CMTM8: variants seen among roughly 807,000 people sequenced by gnomAD.
CMTM8 encodes CKLF like MARVEL transmembrane domain containing 8, also known as CKLF-like MARVEL transmembrane domain-containing protein 8.
In CMTM8, 12 loss-of-function variants were observed where a neutral mutation model predicts 18.6. That is an observed-to-expected ratio of 0.65 (90% confidence interval 0.41 to 1.05). CMTM8 has a LOEUF of 1.05. Ranked by LOEUF, CMTM8 falls within the 50% of genes least tolerant of loss-of-function variation. The pLI, the probability that CMTM8 is intolerant of heterozygous loss-of-function variation, is 0.00. For missense variants in CMTM8, 217 were observed against 227.2 expected (o/e 0.95, Z 0.29); for synonymous variants, 87 against 90.6 (o/e 0.96, Z 0.23).
In CMTM8 at chr3:32,361,389, C is replaced by G. The variant is rs558063468; in HGVS notation, c.321+3843C>G. 2.7e-5 allele frequency among the ~76,000 whole-genome samples: 4 copies of G among 149,198 alleles called. No individual in the cohort carries two copies. The South Asian group carries it at 8.5e-4, about 32-fold the overall frequency. On this transcript the variant is annotated intron_variant, in intron 2 of 3. Coordinates refer to ENST00000307526, the MANE Select transcript of CMTM8 (RefSeq NM_178868.5). ...AGTCTGGGGCTGTACTGTAATGAGA[C>G]AAATTAATGTTTCTGCAACAACACG...
At chr3:32,270,139 C>T (rs146678268) in intron 1 of CMTM8, among the ~76,000 whole-genome samples, 26 of 152,254 alleles carry the variant, frequency 1.7e-4, no homozygotes, top group African/African-American at 5.5e-4. Flanking sequence ...CCAGGCTGGT[C>T]TCAAACTCTG....
intron 1 of CMTM8, among the ~76,000 whole-genome samples, chr3:32,284,095 T>A (rs1302788552): frequency 6.6e-6 from 1 of 151,980 alleles, no homozygotes; most frequent in Admixed American, 6.6e-5. Flanking sequence ...CTACTAAAAG[T>A]ACAAAAAATC....
At chr3:32,274,594 A>G (rs1051829532) in intron 1 of CMTM8, among the ~76,000 whole-genome samples, 2 of 152,182 alleles carry the variant, frequency 1.3e-5, no homozygotes, top group African/African-American at 4.8e-5. Flanking sequence ...TACCCTAGCT[A>G]TTCCAGCATG....
intron 1 of CMTM8, among the ~76,000 whole-genome samples, chr3:32,319,074 A>ATATATATATATATATTTT: frequency 1.1e-3 from 36 of 31,516 alleles, no homozygotes; most frequent in African/African-American, 3.1e-3. Flanking sequence ...ATATATATAT[A>ATATATATATATATATTTT]TTTTTTTTTT....
chr3:32,339,774 T>C (rs1696457494), intron 1 of CMTM8, among the ~76,000 whole-genome samples: 1 of 152,176 alleles, frequency 6.6e-6, no homozygotes, highest in Middle Eastern at 3.4e-3. Flanking sequence ...CCATCCTGGC[T>C]AACACAGAGA....
chr3:32,276,248 A>G (rs960782847), intron 1 of CMTM8, among the ~76,000 whole-genome samples: 2 of 151,994 alleles, frequency 1.3e-5, no homozygotes, highest in African/African-American at 4.8e-5. Flanking sequence ...TCCAGCTCCT[A>G]CCTCCAAACT....
intron 1 of CMTM8, among the ~76,000 whole-genome samples, chr3:32,302,713 G>A (rs1695643840): frequency 6.6e-6 from 1 of 152,184 alleles, no homozygotes. Context: ...CCTATTTGAG[G>A]AGGTGAGGGA....
At chr3:32,326,979 C>T (rs939577026) in intron 1 of CMTM8, among the ~76,000 whole-genome samples, 1 of 152,136 alleles carries the variant, frequency 6.6e-6, no homozygotes, top group Admixed American at 6.5e-5. Flanking sequence ...TATTTATCTC[C>T]CTGGCCACAC....
intron 1 of CMTM8, among the ~76,000 whole-genome samples, chr3:32,295,251 T>G (rs1702852479): frequency 6.6e-6 from 1 of 150,974 alleles, no homozygotes; most frequent in Non-Finnish European, 1.5e-5. Context: ...AGGTCAGGAG[T>G]TCGAGAACAG....
In CMTM8 at chr3:32,238,918, A is replaced by G. The variant is rs1439899184; in HGVS notation, c.-55A>G. 2.0e-6 allele frequency: 3 copies of G among 1,492,034 alleles called. No homozygotes were observed. In the East Asian group the frequency reaches 8.2e-5, roughly 41 times the overall value. 92.4% of individuals were successfully genotyped at this position (1,492,034 alleles called of 1,614,324 possible). ...CCCCAGGGCGCAGGGCCGCGCGTCC[A>G]GCCCCAGACCCGCCGGGGTCCCTGG... On this transcript the variant is annotated 5_prime_UTR_variant, in exon 1 of 4. Coordinates refer to ENST00000307526, the MANE Select transcript of CMTM8 (RefSeq NM_178868.5).
chr3:32,285,512 C>CAAAAA (rs140584675), intron 1 of CMTM8, among the ~76,000 whole-genome samples: 12 of 100,596 alleles, frequency 1.2e-4, no homozygotes, highest in African/African-American at 3.5e-4. Context: ...GATTCTATCT[C>CAAAAA]AAAAAAAAAA....
At chr3:32,271,391 A>G (rs1442381432) in intron 1 of CMTM8, among the ~76,000 whole-genome samples, 2 of 152,212 alleles carry the variant, frequency 1.3e-5, no homozygotes, top group African/African-American at 4.8e-5. Flanking sequence ...AAGTGCTGGG[A>G]TTATAGGCAT....
At chr3:32,332,885 ACT>A (rs1301766191) in intron 1 of CMTM8, among the ~76,000 whole-genome samples, 1 of 151,982 alleles carries the variant, frequency 6.6e-6, no homozygotes, top group Non-Finnish European at 1.5e-5. Context: ...CTCATTTCTT[ACT>A]GTTATCCTCT....
chr3:32,295,482 A>T (rs1358161042), intron 1 of CMTM8, among the ~76,000 whole-genome samples: 21 of 117,514 alleles, frequency 1.8e-4, no homozygotes, highest in Admixed American at 1.1e-3. Flanking sequence ...AAAAAAACAA[A>T]ACAAAACAGC....
chr3:32,300,332 C>A (rs1420225590), intron 1 of CMTM8, among the ~76,000 whole-genome samples: 3 of 152,202 alleles, frequency 2.0e-5, no homozygotes, highest in African/African-American at 4.8e-5. Flanking sequence ...GAACTACAAC[C>A]AAACAAGGTC....
At chr3:32,315,929 T>G (rs1695918980) in intron 1 of CMTM8, among the ~76,000 whole-genome samples, 1 of 151,428 alleles carries the variant, frequency 6.6e-6, no homozygotes, top group South Asian at 2.1e-4. Context: ...CTCTTAGTAC[T>G]CCTTGAAATA....
At chr3:32,251,270 A>G (rs1046251137) in intron 1 of CMTM8, among the ~76,000 whole-genome samples, 1 of 152,210 alleles carries the variant, frequency 6.6e-6, no homozygotes, top group Non-Finnish European at 1.5e-5. Context: ...TGATCATTAA[A>G]GTTGAACATT....
chr3:32,274,792 T>C (rs1346147332), intron 1 of CMTM8, among the ~76,000 whole-genome samples: 1 of 152,204 alleles, frequency 6.6e-6, no homozygotes, highest in Non-Finnish European at 1.5e-5. Flanking sequence ...ACTCAGTCTT[T>C]GTCTTTCATG....
chr3:32,243,542 A>C (rs923209923), intron 1 of CMTM8, among the ~76,000 whole-genome samples: 4 of 151,922 alleles, frequency 2.6e-5, no homozygotes, highest in African/African-American at 7.3e-5. Context: ...AAAAAAAAAA[A>C]AAAAAAAATC....
Sources: allele counts gnomAD v4.1 joint callset (sites outside exome capture counted in the v4.1 genomes callset), GRCh38; gene constraint gnomAD v4.1.1; transcripts MANE v1.5; gene names NCBI Gene and HGNC (gene_info 2026-07-23, HGNC 2026-07-21).